YEATS2: variants seen among roughly 807,000 people sequenced by gnomAD.
YEATS2 encodes YEATS domain-containing protein 2.
Under a neutral mutation model 163.2 loss-of-function variants are expected in YEATS2, and 77 were observed. The ratio of observed to expected loss-of-function variants is 0.47; its 90% CI spans 0.39 to 0.57. YEATS2 has a LOEUF of 0.57. Ranked by LOEUF, YEATS2 falls within the 20% of genes least tolerant of loss-of-function variation. YEATS2 has a pLI of 0.00. For missense variants in YEATS2, 1,549 were observed against 1,729.8 expected, an observed-to-expected ratio of 0.90 and a Z score of 1.85; for synonymous variants, 631 against 645.1, an observed-to-expected ratio of 0.98 and a Z score of 0.33.
chr3:183,797,967 G>A lies in YEATS2; in HGVS notation c.3142G>A (p.Val1048Ile), dbSNP rs762802940. The change falls in exon 22 of 31, where the codon GTC becomes ATC. Residue 1048 changes from valine to isoleucine, a missense_variant. By Grantham distance (29) the Val-to-Ile change is conservative. Coordinates refer to ENST00000305135, the MANE Select transcript of YEATS2 (RefSeq NM_018023.5). The part of the protein sequence containing the change: ...HSSQSSPQQA[V>I]LTIPSQLKPL... ...CAGTCAGTCCAGTCCGCAGCAGGCC[G>A]TCCTGACGATTCCCAGCCAGCTCAA... The A allele has an allele frequency of 6.5e-5, 105 of 1,614,018 alleles. No homozygotes were observed. The East Asian group carries it at 8.0e-4, about 12-fold the overall frequency.
chr3:183,779,801 A>C (rs1031597171), intron 19 of YEATS2, among the ~76,000 whole-genome samples: 2 of 151,780 alleles, frequency 1.3e-5, no homozygotes, highest in Non-Finnish European at 2.9e-5. Flanking sequence ...GGGTTCAAGC[A>C]ATTCTCCTGC....
In YEATS2 at chr3:183,811,407, C is replaced by T. The variant is rs1407568331; in HGVS notation, c.*824C>T. 1.3e-5 allele frequency: 2 copies of T among 152,764 alleles called. No individual in the cohort carries two copies. The highest frequency in any genetic ancestry group is 6.5e-5 in the Admixed American group (1 of 15,276). 9.5% of individuals were successfully genotyped at this position (152,764 alleles called of 1,614,324 possible). On this transcript the variant is annotated 3_prime_UTR_variant, in exon 31 of 31. Coordinates refer to ENST00000305135, the MANE Select transcript of YEATS2 (RefSeq NM_018023.5). ...CCATCTGCATGGCCTGCAGGAGCTTCTGCTGCTGACCCCATGCTGAGTGGC... is the reference window on the plus strand; with the variant it reads ...CCATCTGCATGGCCTGCAGGAGCTTTTGCTGCTGACCCCATGCTGAGTGGC...
chr3:183,728,493 C>T (rs1717365687), intron 6 of YEATS2, among the ~76,000 whole-genome samples, 197 bp from the exon 7 acceptor site: 1 of 152,232 alleles, frequency 6.6e-6, no homozygotes. Flanking sequence ...CCACTGCATC[C>T]AGCCCCAGCT....
intron 26 of YEATS2, 124 bp from the exon 27 acceptor site, chr3:183,803,863 T>G: frequency 9.6e-7 from 1 of 1,037,400 alleles, no homozygotes; most frequent in Non-Finnish European, 1.4e-6. Context: ...CAACCAGGTT[T>G]TTTTCTTTAA....
In YEATS2 at chr3:183,775,938, A is replaced by G. The variant is rs779631114; in HGVS notation, c.2392A>G (p.Ser798Gly). 25 of 1,608,014 alleles carry G rather than the reference A, an allele frequency of 1.6e-5. No individual in the cohort carries two copies. The highest frequency in any genetic ancestry group is 2.1e-5 in the Non-Finnish European group (25 of 1,178,970). ...NANLQSGSAA[S>G]GGSGAGGGGG... is the part of the protein sequence containing the mutation. ...AGATCTCCAGTCTGGCTCAGCTGCC[A>G]GTGGTGGGAGTGGTGCCGGAGGAGG... The change falls in exon 18 of 31, where the codon AGT (serine) becomes GGT (glycine). Residue 798 changes from serine (S) to glycine (G), a missense_variant. Ser to Gly is a moderately conservative substitution (Grantham distance 56). Transcript: ENST00000305135.
rs377150360 is a variant in YEATS2 at position 183,747,733 on chromosome 3, C to T, written c.969+17C>T. 6.8e-6 allele frequency: 11 copies of T among 1,608,570 alleles called. No homozygotes were observed. The South Asian group carries it at 1.1e-4, about 16-fold the overall frequency. ...GCAGAGACGGTAGGTTTTTTTCCTA[C>T]AGTATTATCTGGGAATGAGTAGGAT... On this transcript the variant is annotated intron_variant, in intron 9 of 30. Coordinates refer to ENST00000305135, the MANE Select transcript of YEATS2 (RefSeq NM_018023.5).
intron 8 of YEATS2, among the ~76,000 whole-genome samples, chr3:183,745,630 A>C (rs1262244350): frequency 1.3e-5 from 2 of 152,176 alleles, no homozygotes; most frequent in Non-Finnish European, 2.9e-5. Context: ...ATTAAATATT[A>C]AATACTCTAA....
rs373347454 is a variant in YEATS2, at chr3:183,754,114, C to A, written c.1151-12C>A. 1.3e-6 allele frequency: 2 copies of A among 1,525,928 alleles called. No individual in the cohort carries two copies. Among genetic ancestry groups the A allele is most frequent in the Non-Finnish European group, 1.8e-6 (2 of 1,128,910 alleles). The allele number at this position is 1,525,928 out of a possible 1,614,324, so 94.5% of individuals were successfully genotyped here. A position where few individuals can be genotyped will look rare whatever the true frequency, so the allele number is the denominator to read the frequency against. ...TTGATGACTTGCCGTTTGCCTCTTTCATCTCAAGCAGGATTCCCAGCTAGC... is the reference window on the plus strand; with the variant it reads ...TTGATGACTTGCCGTTTGCCTCTTTAATCTCAAGCAGGATTCCCAGCTAGC... On this transcript the variant is annotated splice_polypyrimidine_tract_variant and intron_variant, in intron 10 of 30. Transcript: ENST00000305135.
intron 13 of YEATS2, among the ~76,000 whole-genome samples, chr3:183,760,561 A>G (rs1307536124): frequency 6.6e-6 from 1 of 152,096 alleles, no homozygotes. Flanking sequence ...ATCTCAGGTA[A>G]TCTGCCCGCC....
At chr3:183,784,775 A>AT (rs202047137) in intron 19 of YEATS2, among the ~76,000 whole-genome samples, 1 of 150,844 alleles carries the variant, frequency 6.6e-6, no homozygotes, top group African/African-American at 2.4e-5. Flanking sequence ...TACTCTTGCC[A>AT]TTAAAAAAAA....
Position 183,812,102 on chromosome 3 carries a change from G to A in YEATS2, c.*1519G>A, listed in dbSNP as rs1726856069. Reference sequence around the variant, plus strand: ...TACAGAAAATTAGCTGGGCATGGTGGTGTGTGCCTGTAATTCCAGCTACTC... The same window carrying A: ...TACAGAAAATTAGCTGGGCATGGTGATGTGTGCCTGTAATTCCAGCTACTC... On this transcript the variant is annotated 3_prime_UTR_variant, in exon 31 of 31. Coordinates refer to ENST00000305135, the MANE Select transcript of YEATS2 (RefSeq NM_018023.5). The A allele has an allele frequency of 1.3e-5, 2 of 152,320 alleles. No individual in the cohort carries two copies. Among genetic ancestry groups the A allele is most frequent in the African/African-American group, 4.8e-5 (2 of 41,432 alleles). The allele number at this position is 152,320 out of a possible 1,614,324, so 9.4% of individuals were successfully genotyped here.
At chr3:183,703,733 A>G (rs1340355065) in intron 1 of YEATS2, among the ~76,000 whole-genome samples, 1 of 152,104 alleles carries the variant, frequency 6.6e-6, no homozygotes, top group Non-Finnish European at 1.5e-5. Context: ...ATATATTCTT[A>G]GAGTGTACAT....
intron 2 of YEATS2, among the ~76,000 whole-genome samples, chr3:183,715,598 TTTTTAA>T (rs1168418530): frequency 1.3e-5 from 2 of 152,144 alleles, no homozygotes; most frequent in Non-Finnish European, 2.9e-5. Flanking sequence ...TGGATTAAGG[TTTTTAA>T]TTTTAATAGG....
intron 12 of YEATS2, among the ~76,000 whole-genome samples, chr3:183,758,020 AT>A (rs1464582634): frequency 6.6e-6 from 1 of 152,064 alleles, no homozygotes; most frequent in Non-Finnish European, 1.5e-5. Context: ...ATATGACTAA[AT>A]TTTTTTCAGA....
At chr3:183,767,969 TAA>T (rs1418675135) in intron 15 of YEATS2, among the ~76,000 whole-genome samples, 3 of 152,236 alleles carry the variant, frequency 2.0e-5, no homozygotes, top group African/African-American at 7.2e-5. Context: ...TTGTTTTCCC[TAA>T]GTTATTTGCT....
chr3:183,778,131 A>G (rs1317612415), intron 19 of YEATS2, among the ~76,000 whole-genome samples: 1 of 149,294 alleles, frequency 6.7e-6, no homozygotes, highest in Non-Finnish European at 1.5e-5. Flanking sequence ...AAAAAAAAGA[A>G]AAAAAAAGAA....
intron 13 of YEATS2, among the ~76,000 whole-genome samples, chr3:183,760,900 C>T (rs1223998587): frequency 1.3e-5 from 2 of 152,012 alleles, no homozygotes; most frequent in African/African-American, 4.8e-5. Flanking sequence ...AGTGGTTTAC[C>T]AACTATCGGG....
At chr3:183,798,112 C>G (rs767579529) in intron 22 of YEATS2, 61 bp downstream of exon 22, 3 of 1,600,740 alleles carry the variant, frequency 1.9e-6, no homozygotes, top group African/African-American at 2.8e-5. Flanking sequence ...CCCGCATTTA[C>G]CAGGTGGTGA....
chr3:183,742,608 AGATG>A (rs1719091209), intron 8 of YEATS2, among the ~76,000 whole-genome samples: 1 of 152,228 alleles, frequency 6.6e-6, no homozygotes, highest in Non-Finnish European at 1.5e-5. Context: ...TGGCTTCTTG[AGATG>A]GCATCCACTC....
Sources: gnomAD v4.1 joint callset for allele counts (sites outside exome capture counted in the v4.1 genomes callset) on GRCh38, gnomAD v4.1.1 for gene constraint, MANE v1.5 for transcripts, NCBI Gene and HGNC (gene_info 2026-07-23, HGNC 2026-07-21) for gene names.